The following CDH13 variants were observed in gnomAD, a reference collection of about 807,000 sequenced individuals.
The protein encoded by CDH13 is cadherin 13, also known as cadherin-13.
CDH13 carries 24 observed loss-of-function variants against 63.8 expected under a neutral mutation model. The ratio of observed to expected loss-of-function variants is 0.38; its 90% CI spans 0.27 to 0.53. The LOEUF (loss-of-function observed/expected upper bound fraction) is 0.53, where lower values mean the gene tolerates loss of function less well. Ranked by LOEUF, CDH13 falls within the 20% of genes least tolerant of loss-of-function variation. The probability of loss-of-function intolerance (pLI) is 0.85; values close to 1 mark genes in which losing one functional copy is unlikely to be tolerated. For missense variants in CDH13, 1,049 were observed against 903.1 expected (o/e 1.16, Z -2.07); for synonymous variants, 503 against 355.3 (o/e 1.42, Z -4.67).
chr16:83,256,475 A>C (rs890448008), intron 5 of CDH13, among the ~76,000 whole-genome samples: 3 of 152,044 alleles, frequency 2.0e-5, no homozygotes, highest in Non-Finnish European at 4.4e-5. Flanking sequence ...TAGACTTTCA[A>C]AATATTAAAA....
At chr16:83,524,548 G>C (rs921668651) in intron 7 of CDH13, among the ~76,000 whole-genome samples, 1 of 137,440 alleles carries the variant, frequency 7.3e-6, no homozygotes, top group Non-Finnish European at 1.5e-5. Context: ...CGCCTCCTGG[G>C]TTCACGCCAT....
intron 2 of CDH13, among the ~76,000 whole-genome samples, chr16:82,950,438 T>C (rs549403368): frequency 1.3e-5 from 2 of 152,234 alleles, no homozygotes; most frequent in South Asian, 2.1e-4. Flanking sequence ...GGGTGGGAGA[T>C]AATTGAATCA....
intron 1 of CDH13, among the ~76,000 whole-genome samples, chr16:82,716,307 C>T (rs980259905): frequency 1.3e-5 from 2 of 152,018 alleles, no homozygotes; most frequent in African/African-American, 4.8e-5. Flanking sequence ...CCTGCTTTTC[C>T]ATGGGAAAGG....
intron 1 of CDH13, among the ~76,000 whole-genome samples, chr16:82,685,128 A>G (rs1011619790): frequency 1.3e-5 from 2 of 152,228 alleles, no homozygotes; most frequent in Non-Finnish European, 2.9e-5. Flanking sequence ...AGGGGAAAAA[A>G]TACTTCAGTT....
At chr16:82,765,574 G>A (rs933472852) in intron 1 of CDH13, among the ~76,000 whole-genome samples, 4 of 152,054 alleles carry the variant, frequency 2.6e-5, no homozygotes, top group African/African-American at 9.7e-5. Flanking sequence ...ATTGTGCACG[G>A]GTATTTATGA....
chr16:83,430,613 C>T (rs1598002582), intron 6 of CDH13, among the ~76,000 whole-genome samples: 1 of 152,110 alleles, frequency 6.6e-6, no homozygotes, highest in South Asian at 2.1e-4. Context: ...TGAGCATTTT[C>T]AGTGGTAAAG....
intron 1 of CDH13, among the ~76,000 whole-genome samples, chr16:82,726,414 T>G (rs994695062): frequency 6.6e-6 from 1 of 152,212 alleles, no homozygotes; most frequent in African/African-American, 2.4e-5. Flanking sequence ...TTTCATATAA[T>G]TTTCATGGAC....
chr16:82,744,737 G>T (rs984807130), intron 1 of CDH13, among the ~76,000 whole-genome samples: 1 of 152,090 alleles, frequency 6.6e-6, no homozygotes, highest in Non-Finnish European at 1.5e-5. Context: ...ACACATGATC[G>T]CATTTAAGCT....
intron 1 of CDH13, among the ~76,000 whole-genome samples, chr16:82,732,008 C>A (rs929390279): frequency 6.6e-6 from 1 of 152,144 alleles, no homozygotes; most frequent in Non-Finnish European, 1.5e-5. Flanking sequence ...CTTTGATCTG[C>A]AGCTTAAATG....
At chr16:83,721,428 T>G (rs1480299626) in intron 10 of CDH13, 1 of 152,240 alleles carries the variant, frequency 6.6e-6, no homozygotes, top group Non-Finnish European at 1.5e-5. Flanking sequence ...TAAAAATATT[T>G]TTTAAAACAG....
intron 1 of CDH13, among the ~76,000 whole-genome samples, chr16:82,755,307 T>G (rs1478957189): frequency 6.6e-6 from 1 of 152,106 alleles, no homozygotes; most frequent in African/African-American, 2.4e-5. Flanking sequence ...TTCTGAGTCT[T>G]CCTTTCTGAC....
chr16:83,301,764 ACAT>A (rs2089752525), intron 5 of CDH13, among the ~76,000 whole-genome samples: 1 of 152,126 alleles, frequency 6.6e-6, no homozygotes, highest in South Asian at 2.1e-4. Flanking sequence ...TCAAAAATTT[ACAT>A]CATTTCCTGT....
At chr16:82,658,055 AGTT>A (rs754621821) in intron 1 of CDH13, among the ~76,000 whole-genome samples, 27 of 152,284 alleles carry the variant, frequency 1.8e-4, no homozygotes, top group East Asian at 3.9e-4. Context: ...GGCTTTTTGT[AGTT>A]GTTCTTTATT....
chr16:83,582,282 C>CT (rs1018745331), intron 7 of CDH13, among the ~76,000 whole-genome samples: 58 of 150,002 alleles, frequency 3.9e-4, no homozygotes, highest in African/African-American at 1.1e-3. Context: ...TGGCTTAATC[C>CT]TTTTTTTTTT....
chr16:82,824,186 A>G (rs936778166), intron 1 of CDH13: 16 of 152,324 alleles, frequency 1.1e-4, no homozygotes, highest in African/African-American at 2.9e-4. Flanking sequence ...AGTGATTTCA[A>G]TGGATTTAAA....
chr16:83,612,747 A>G (rs887043459), intron 8 of CDH13, among the ~76,000 whole-genome samples: 2 of 152,094 alleles, frequency 1.3e-5, no homozygotes, highest in Admixed American at 1.3e-4. Flanking sequence ...CTCTAACATC[A>G]AGTAGAATTT....
intron 12 of CDH13, among the ~76,000 whole-genome samples, chr16:83,780,446 A>G (rs1915438835): frequency 6.6e-6 from 1 of 152,208 alleles, no homozygotes; most frequent in African/African-American, 2.4e-5. Flanking sequence ...TCTATACTGT[A>G]CACCCTGTGT....
chr16:83,679,064 T>C (rs1456507320), intron 10 of CDH13, among the ~76,000 whole-genome samples: 1 of 150,640 alleles, frequency 6.6e-6, no homozygotes, highest in Non-Finnish European at 1.5e-5. Flanking sequence ...ACCATTGGGA[T>C]TGGCGTTCTG....
chr16:82,842,309 C>T (rs2039069135), intron 1 of CDH13, among the ~76,000 whole-genome samples: 1 of 151,530 alleles, frequency 6.6e-6, no homozygotes, highest in South Asian at 2.1e-4. Context: ...CTGAGTCCTT[C>T]TGAGTAGTAA....
Sources: gnomAD v4.1 joint callset for allele counts (sites outside exome capture counted in the v4.1 genomes callset) on GRCh38, gnomAD v4.1.1 for gene constraint, MANE v1.5 for transcripts, NCBI Gene and HGNC (gene_info 2026-07-23, HGNC 2026-07-21) for gene names.